The following ZMAT4 variants were observed in gnomAD, a reference collection of about 807,000 sequenced individuals.
ZMAT4 encodes the protein zinc finger matrin-type protein 4.
Under a neutral mutation model 28.7 loss-of-function variants are expected in ZMAT4, and 17 were observed. The observed-to-expected ratio is 0.59, with a 90% CI of 0.41 to 0.89. The LOEUF (loss-of-function observed/expected upper bound fraction) is 0.89. Among genes scored for constraint, ZMAT4 ranks in the 40% least tolerant of loss-of-function variants. ZMAT4 has a pLI of 0.00. For synonymous variants in ZMAT4, 117 were observed against 109.2 expected (o/e 1.07, Z -0.44); for missense variants, 240 against 283.8 (o/e 0.85, Z 1.11).
At chr8:40,818,728 G>A (rs537730179) in intron 2 of ZMAT4, among the ~76,000 whole-genome samples, 16 of 152,310 alleles carry the variant, frequency 1.1e-4, no homozygotes, top group East Asian at 3.9e-4. Context: ...ACTCAAGTCC[G>A]GTTGGGGCAG....
chr8:40,836,965 G>T (rs998803448), intron 1 of ZMAT4, among the ~76,000 whole-genome samples: 5 of 152,190 alleles, frequency 3.3e-5, no homozygotes, highest in African/African-American at 1.2e-4. Flanking sequence ...ATGATGGATT[G>T]ATTGACAGAA....
intron 1 of ZMAT4, among the ~76,000 whole-genome samples, chr8:40,845,199 A>G (rs1017358062): frequency 3.3e-5 from 5 of 152,130 alleles, no homozygotes; most frequent in Non-Finnish European, 5.9e-5. Context: ...TGCAACTTGG[A>G]TCTCCTCCTG....
chr8:40,604,085 T>A (rs1447382953), intron 5 of ZMAT4, among the ~76,000 whole-genome samples: 8 of 152,246 alleles, frequency 5.3e-5, no homozygotes, highest in African/African-American at 1.7e-4. Context: ...CCTGAAACTT[T>A]ACTGAATTCA....
intron 5 of ZMAT4, among the ~76,000 whole-genome samples, chr8:40,592,617 G>A (rs1477420596): frequency 1.3e-5 from 2 of 152,138 alleles, no homozygotes; most frequent in Non-Finnish European, 2.9e-5. Flanking sequence ...TCTAAAGCTA[G>A]GGAATAAATT....
intron 2 of ZMAT4, among the ~76,000 whole-genome samples, chr8:40,770,271 G>A (rs1813333370): frequency 6.6e-6 from 1 of 152,210 alleles, no homozygotes; most frequent in Non-Finnish European, 1.5e-5. Flanking sequence ...ACTTCCAGCA[G>A]GAAGTGAAAA....
chr8:40,549,710 T>A (rs997043075), intron 6 of ZMAT4, among the ~76,000 whole-genome samples: 1 of 152,136 alleles, frequency 6.6e-6, no homozygotes, highest in African/African-American at 2.4e-5. Flanking sequence ...TCTTATCACA[T>A]CTTCTAATAT....
intron 2 of ZMAT4, among the ~76,000 whole-genome samples, chr8:40,797,948 G>A (rs1814666077): frequency 6.6e-6 from 1 of 152,226 alleles, no homozygotes; most frequent in South Asian, 2.1e-4. Context: ...GGGCACTGAG[G>A]GGCTGGCAGG....
At chr8:40,558,973 G>C (rs181325483) in intron 6 of ZMAT4, among the ~76,000 whole-genome samples, 1 of 152,328 alleles carries the variant, frequency 6.6e-6, no homozygotes, top group Non-Finnish European at 1.5e-5. Flanking sequence ...GGCCATGCCA[G>C]AAAAGGGTTA....
intron 1 of ZMAT4, among the ~76,000 whole-genome samples, chr8:40,896,458 C>G (rs1818882634): frequency 1.3e-5 from 2 of 152,164 alleles, no homozygotes; most frequent in Admixed American, 6.5e-5. Context: ...AGGTAGGCAG[C>G]GCAACTGGTG....
chr8:40,751,122 C>T (rs1282121340), intron 3 of ZMAT4, among the ~76,000 whole-genome samples: 1 of 152,202 alleles, frequency 6.6e-6, no homozygotes, highest in Non-Finnish European at 1.5e-5. Context: ...CACTCCTTCT[C>T]TCTTATGGCT....
chr8:40,556,744 A>G (rs1165029201), intron 6 of ZMAT4, among the ~76,000 whole-genome samples: 1 of 152,180 alleles, frequency 6.6e-6, no homozygotes, highest in Non-Finnish European at 1.5e-5. Context: ...ACATGTGAGT[A>G]TTTTGTTAGA....
intron 3 of ZMAT4, among the ~76,000 whole-genome samples, chr8:40,733,477 T>C (rs989512828): frequency 6.6e-6 from 1 of 152,222 alleles, no homozygotes; most frequent in Non-Finnish European, 1.5e-5. Context: ...TCAAAGTGAA[T>C]CTTGTGTATT....
At position 40,807,772 on chromosome 8, in the gene ZMAT4, T is replaced by C. The variant is rs545105926; in HGVS notation, c.102+17803A>G. ...TGACTTCATTAATTTCAAAACTTTGTTTCCTCCTCAACAGGATTAGAAAAT... is the reference window on the plus strand; with the variant it reads ...TGACTTCATTAATTTCAAAACTTTGCTTCCTCCTCAACAGGATTAGAAAAT... On this transcript the variant is annotated intron_variant, in intron 2 of 6. Coordinates refer to ENST00000297737, the MANE Select transcript of ZMAT4 (RefSeq NM_024645.3). Among the ~76,000 whole-genome samples, 3 of 152,316 alleles carry C rather than the reference T, an allele frequency of 2.0e-5. No individual in the cohort carries two copies. In the East Asian group the frequency reaches 5.8e-4, roughly 29 times the overall value.
At chr8:40,773,119 A>T (rs1283934981) in intron 2 of ZMAT4, among the ~76,000 whole-genome samples, 1 of 152,208 alleles carries the variant, frequency 6.6e-6, no homozygotes, top group Admixed American at 6.5e-5. Flanking sequence ...CCTCTAACGA[A>T]TGGAACTCTT....
intron 2 of ZMAT4, among the ~76,000 whole-genome samples, chr8:40,793,781 G>A (rs1236713180): frequency 2.0e-5 from 3 of 152,128 alleles, no homozygotes; most frequent in Non-Finnish European, 4.4e-5. Flanking sequence ...GGTCCCCTGA[G>A]GTGTGACATC....
chr8:40,822,666 G>A (rs1192615056), intron 2 of ZMAT4, among the ~76,000 whole-genome samples: 8 of 152,192 alleles, frequency 5.3e-5, no homozygotes, highest in African/African-American at 1.9e-4. Context: ...TTGATATAAG[G>A]TATCCTCAGT....
chr8:40,736,431 G>A (rs1048165775), intron 3 of ZMAT4, among the ~76,000 whole-genome samples: 24 of 152,316 alleles, frequency 1.6e-4, no homozygotes, highest in African/African-American at 5.5e-4. Flanking sequence ...GTAAGGTCTA[G>A]CTCACAGTCT....
In ZMAT4 at chr8:40,799,264, G is replaced by T. The variant is rs1220261067; in HGVS notation, c.102+26311C>A. 1.1e-4 allele frequency among the ~76,000 whole-genome samples: 17 copies of T among 152,264 alleles called. 1 individual carries two copies. In the East Asian group the frequency reaches 2.7e-3, roughly 24 times the overall value. On this transcript the variant is annotated intron_variant, in intron 2 of 6. Coordinates refer to ENST00000297737, the MANE Select transcript of ZMAT4 (RefSeq NM_024645.3). ...ATGGATGGAGACAGATAGAGAGAGAGGGAGACAGATAGAGAGAAAGAGAGA... is the reference window on the plus strand; with the variant it reads ...ATGGATGGAGACAGATAGAGAGAGATGGAGACAGATAGAGAGAAAGAGAGA...
intron 5 of ZMAT4, among the ~76,000 whole-genome samples, chr8:40,620,520 T>C (rs189552491): frequency 2.0e-5 from 3 of 152,338 alleles, no homozygotes; most frequent in Admixed American, 2.0e-4. Flanking sequence ...TCCCATTTAA[T>C]AGCAAACCAA....
Sources: allele counts gnomAD v4.1 joint callset (sites outside exome capture counted in the v4.1 genomes callset), GRCh38; gene constraint gnomAD v4.1.1; transcripts MANE v1.5; gene names NCBI Gene and HGNC (gene_info 2026-07-23, HGNC 2026-07-21).